DPH6: variants seen among roughly 807,000 people sequenced by gnomAD.
DPH6 encodes the protein diphthine--ammonia ligase.
Under a neutral mutation model 38.2 loss-of-function variants are expected in DPH6, and 33 were observed. The ratio of observed to expected loss-of-function variants is 0.86; its 90% CI spans 0.65 to 1.15. DPH6 has a LOEUF of 1.15. Ranked by LOEUF, DPH6 falls within the 50% of genes most tolerant of loss-of-function variation. The probability of loss-of-function intolerance (pLI) is 0.00; values close to 1 mark genes in which losing one functional copy is unlikely to be tolerated. For missense variants in DPH6, 325 were observed against 320.0 expected (o/e 1.02, Z -0.12); for synonymous variants, 108 against 103.0 (o/e 1.05, Z -0.30).
the DPH6 span, among the ~76,000 whole-genome samples, chr15:35,164,402 T>A: frequency 6.6e-6 from 1 of 152,000 alleles, no homozygotes; most frequent in East Asian, 1.9e-4. Context: ...TATTATTTAT[T>A]TTTATTTTTT....
intron 3 of DPH6, among the ~76,000 whole-genome samples, chr15:35,336,490 G>A (rs966085683): frequency 6.6e-5 from 10 of 152,006 alleles, no homozygotes; most frequent in African/African-American, 1.7e-4. Context: ...CATTCATCAC[G>A]TAGTTCTTGT....
At chr15:35,440,502 T>C (rs1013204143) in intron 5 of DPH6, among the ~76,000 whole-genome samples, 123 of 152,208 alleles carry the variant, frequency 8.1e-4, no homozygotes, top group African/African-American at 2.9e-3. Flanking sequence ...GAACCTTAAA[T>C]AGGCCTCTGA....
In DPH6 at chr15:35,432,371, C is replaced by T. The variant is rs181730276; in HGVS notation, c.505+18314G>A. On this transcript the variant is annotated intron_variant, in intron 5 of 8. Coordinates refer to ENST00000256538, the MANE Select transcript of DPH6 (RefSeq NM_080650.4). ...TCATCATTCACTATCCTCCTGGATA[C>T]GTTTTTTAGATTCACATCTGTAATA... Among the ~76,000 whole-genome samples the T allele has an allele frequency of 9.7e-4, 148 of 152,208 alleles. 2 individuals are homozygous for T. The highest frequency in any genetic ancestry group is 1.7e-3 in the Non-Finnish European group (117 of 68,002).
intron 3 of DPH6, among the ~76,000 whole-genome samples, chr15:35,484,249 CTGAGTA>C (rs2054366543): frequency 6.6e-6 from 1 of 152,172 alleles, no homozygotes; most frequent in South Asian, 2.1e-4. Flanking sequence ...ATTTTTACAT[CTGAGTA>C]TATTAGCAAC....
At chr15:35,310,278 C>T (rs1042645791) in intron 3 of DPH6, among the ~76,000 whole-genome samples, 19 of 152,054 alleles carry the variant, frequency 1.2e-4, no homozygotes, top group African/African-American at 4.1e-4. Flanking sequence ...AACCAGGCTC[C>T]GGAAATTTAA....
At chr15:35,242,230 G>A (rs1208723554) in intron 3 of DPH6, among the ~76,000 whole-genome samples, 1 of 142,884 alleles carries the variant, frequency 7.0e-6, no homozygotes, top group African/African-American at 2.5e-5. Context: ...AAAAACACAC[G>A]TGCTCTCCCT....
chr15:35,209,679 C>T, the DPH6 span, among the ~76,000 whole-genome samples: 7 of 152,170 alleles, frequency 4.6e-5, no homozygotes, highest in African/African-American at 1.7e-4. Flanking sequence ...TTGTACAGAA[C>T]TCTTAACTTA....
intron 3 of DPH6, among the ~76,000 whole-genome samples, chr15:35,347,245 T>C (rs2052470112): frequency 1.3e-5 from 2 of 152,184 alleles, no homozygotes; most frequent in African/African-American, 4.8e-5. Context: ...TCCATATTTG[T>C]CTTTTTGTAA....
intron 6 of DPH6, among the ~76,000 whole-genome samples, chr15:35,384,197 CT>C (rs1397369309): frequency 6.6e-6 from 1 of 152,150 alleles, no homozygotes; most frequent in Non-Finnish European, 1.5e-5. Flanking sequence ...TTGCCATTCT[CT>C]TTGATAAGCT....
intron 3 of DPH6, among the ~76,000 whole-genome samples, chr15:35,281,751 G>C (rs1191436490): frequency 6.6e-6 from 1 of 152,144 alleles, no homozygotes; most frequent in Non-Finnish European, 1.5e-5. Flanking sequence ...ATGAATCTCT[G>C]AGGGCCAATA....
intron 3 of DPH6, chr15:35,298,464 G>T: frequency 1.3e-6 from 1 of 764,770 alleles, no homozygotes; most frequent in East Asian, 2.5e-5. Context: ...TATTTTTCAC[G>T]TTCTTCCTTG....
At chr15:35,407,131 A>G (rs937125191) in intron 6 of DPH6, among the ~76,000 whole-genome samples, 2 of 151,996 alleles carry the variant, frequency 1.3e-5, no homozygotes, top group African/African-American at 2.4e-5. Flanking sequence ...TGTCAGTGGT[A>G]TTGAGAAACT....
At chr15:35,420,129 G>T (rs373670603) in intron 5 of DPH6, among the ~76,000 whole-genome samples, 1 of 151,952 alleles carries the variant, frequency 6.6e-6, no homozygotes, top group Non-Finnish European at 1.5e-5. Flanking sequence ...ATAAAAGGAA[G>T]AATCATGGAA....
In DPH6 at chr15:35,385,996, C is replaced by T. The variant is rs187580690; in HGVS notation, c.568-4080G>A. Among the ~76,000 whole-genome samples, 712 of 152,070 alleles carry T rather than the reference C, an allele frequency of 4.7e-3. 14 individuals are homozygous for T. Among genetic ancestry groups the T allele is most frequent in the Non-Finnish European group, 1.3e-3 (91 of 67,994 alleles). On this transcript the variant is annotated intron_variant, in intron 6 of 8. Coordinates refer to ENST00000256538, the MANE Select transcript of DPH6 (RefSeq NM_080650.4). ...TATCTCCTAATGCTATCCCTCCCTGCTACCCCCACCCCACAACAGGCCCCG... is the reference window on the plus strand; with the variant it reads ...TATCTCCTAATGCTATCCCTCCCTGTTACCCCCACCCCACAACAGGCCCCG...
chr15:35,161,414 T>G, the DPH6 span, among the ~76,000 whole-genome samples: 1 of 151,962 alleles, frequency 6.6e-6, no homozygotes, highest in Admixed American at 6.6e-5. Context: ...ACTCCTGTAG[T>G]TAAGTATTCA....
chr15:35,331,176 C>T (rs2052324539), intron 3 of DPH6: 1 of 152,106 alleles, frequency 6.6e-6, no homozygotes, highest in Non-Finnish European at 1.5e-5. Context: ...AAACAGAATT[C>T]CTGGAAAAAA....
intron 3 of DPH6, among the ~76,000 whole-genome samples, chr15:35,524,565 A>G (rs2054970752): frequency 6.6e-6 from 1 of 152,198 alleles, no homozygotes; most frequent in Admixed American, 6.5e-5. Flanking sequence ...AGGCAGCAGA[A>G]CATAGTGATT....
At chr15:35,464,813 G>C (rs923244514) in intron 3 of DPH6, among the ~76,000 whole-genome samples, 3 of 152,136 alleles carry the variant, frequency 2.0e-5, no homozygotes, top group Admixed American at 2.0e-4. Flanking sequence ...GCACTAAAGT[G>C]TCAAGAACAT....
chr15:35,404,861 T>C (rs887530143), intron 6 of DPH6, among the ~76,000 whole-genome samples: 2 of 152,110 alleles, frequency 1.3e-5, no homozygotes, highest in African/African-American at 4.8e-5. Context: ...ATTTGAGGTG[T>C]TAGATTTAAG....
Sources: allele counts gnomAD v4.1 joint callset (sites outside exome capture counted in the v4.1 genomes callset), GRCh38; gene constraint gnomAD v4.1.1; transcripts MANE v1.5; gene names NCBI Gene and HGNC (gene_info 2026-07-23, HGNC 2026-07-21).